Variants in DCAF8L2 observed in about 807,000 individuals in gnomAD.
DCAF8L2 encodes DDB1- and CUL4-associated factor 8-like protein 2.
For synonymous variants in DCAF8L2, 200 were observed against 190.9 expected (o/e 1.05, Z -0.39); for missense variants, 430 against 490.7 (o/e 0.88, Z 1.17).
At chrX:27,643,916 T>C (rs920003755) in intron 2 of DCAF8L2, among the ~76,000 whole-genome samples, 1 of 111,876 alleles carries the variant, frequency 8.9e-6, no homozygotes, top group African/African-American at 3.2e-5. Flanking sequence ...ATATTTCCTA[T>C]AAAAGGATCT....
At chrX:27,481,051 G>A in the DCAF8L2 span, among the ~76,000 whole-genome samples, 2 of 111,555 alleles carry the variant, frequency 1.8e-5, no homozygotes, top group African/African-American at 3.3e-5. Flanking sequence ...TACATAATAT[G>A]CCAAATTTTA....
At chrX:27,599,898 A>G (rs1926558158) in intron 1 of DCAF8L2, among the ~76,000 whole-genome samples, 1 of 112,304 alleles carries the variant, frequency 8.9e-6, no homozygotes, top group Non-Finnish European at 1.9e-5. Context: ...GATACTTCTC[A>G]GGAATATAAT....
chrX:27,722,270 G>T (rs1020707102), intron 4 of DCAF8L2, among the ~76,000 whole-genome samples: 2 of 111,501 alleles, frequency 1.8e-5, no homozygotes, highest in African/African-American at 6.5e-5. Context: ...TCACTAAAAT[G>T]ATTTATGTAC....
chrX:27,674,305 A>G (rs776772926), intron 2 of DCAF8L2, among the ~76,000 whole-genome samples: 6 of 111,768 alleles, frequency 5.4e-5, no homozygotes, highest in South Asian at 3.7e-4. Context: ...TACTGATGGT[A>G]TTATTTTACT....
chrX:27,472,240 A>G, the DCAF8L2 span, among the ~76,000 whole-genome samples: 1 of 111,689 alleles, frequency 9.0e-6, no homozygotes, highest in Non-Finnish European at 1.9e-5. Context: ...GACAGGCAAT[A>G]TATGTCTCCA....
At chrX:27,738,094 T>C (rs1406568373) in intron 4 of DCAF8L2, among the ~76,000 whole-genome samples, 1 of 111,711 alleles carries the variant, frequency 9.0e-6, no homozygotes, top group Admixed American at 9.5e-5. Context: ...CAGGCTGCCA[T>C]ACTACTGGTC....
intron 2 of DCAF8L2, among the ~76,000 whole-genome samples, chrX:27,663,587 A>G (rs1929631078): frequency 9.0e-6 from 1 of 111,469 alleles, no homozygotes; most frequent in Non-Finnish European, 1.9e-5. Flanking sequence ...GTGTGTTCTG[A>G]CTGCTCTACC....
At chrX:27,629,104 T>A (rs1048404999) in intron 1 of DCAF8L2, among the ~76,000 whole-genome samples, 1 of 111,947 alleles carries the variant, frequency 8.9e-6, no homozygotes, top group Non-Finnish European at 1.9e-5. Flanking sequence ...GAGTTTCTTA[T>A]ATATTTTGGA....
the DCAF8L2 span, among the ~76,000 whole-genome samples, chrX:27,514,188 G>A: frequency 6.9e-5 from 6 of 86,351 alleles, no homozygotes; most frequent in South Asian, 4.2e-4. Flanking sequence ...GTATGTACCC[G>A]TGCACACATA....
the DCAF8L2 span, among the ~76,000 whole-genome samples, chrX:27,533,162 GAGAGAA>G: frequency 3.3e-3 from 54 of 16,287 alleles, no homozygotes; most frequent in Admixed American, 0.015. Flanking sequence ...GAGAGAGAGA[GAGAGAA>G]AGAAAGAAAG....
chrX:27,532,800 A>G, the DCAF8L2 span, among the ~76,000 whole-genome samples: 56,270 of 104,105 alleles, frequency 0.54, 13,085 homozygotes, highest in South Asian at 0.77. Flanking sequence ...CAGGGCCCGC[A>G]CTTGGTGGCT....
At chrX:27,553,379 A>T in the DCAF8L2 span, among the ~76,000 whole-genome samples, 4 of 111,410 alleles carry the variant, frequency 3.6e-5, no homozygotes, top group African/African-American at 1.3e-4. Flanking sequence ...ACTGTATTGC[A>T]AGTGATCTCC....
chrX:27,747,630 T>C lies in DCAF8L2; in HGVS notation c.735T>C (p.Ser245=), dbSNP rs1446007053. The C allele has an allele frequency of 2.5e-6, 3 of 1,207,030 alleles. No homozygotes were observed. Among genetic ancestry groups the C allele is most frequent in the South Asian group, 3.6e-5 (2 of 56,003 alleles). ...ACCAGCGTGGCACCCGGCTGGCCAG[T>C]AGCGGTGATGACCTAAAGGTGATAG... ...HFNQRGTRLA[S]SGDDLKVIVW... The change falls in exon 5 of 5, where the codon AGT becomes AGC. Residue 245 remains serine, a synonymous_variant. Coordinates refer to ENST00000451261, the MANE Select transcript of DCAF8L2 (RefSeq NM_001353450.2).
At chrX:27,569,118 A>G in the DCAF8L2 span, among the ~76,000 whole-genome samples, 1 of 111,471 alleles carries the variant, frequency 9.0e-6, no homozygotes, top group Non-Finnish European at 1.9e-5. Context: ...AAAGATGAAG[A>G]GGATATTGCC....
At chrX:27,484,049 C>A in the DCAF8L2 span, among the ~76,000 whole-genome samples, 1 of 111,436 alleles carries the variant, frequency 9.0e-6, no homozygotes, top group Non-Finnish European at 1.9e-5. Flanking sequence ...TAGGTGCATT[C>A]TTTTAAAAAT....
At chrX:27,500,932 A>G in the DCAF8L2 span, among the ~76,000 whole-genome samples, 1 of 111,354 alleles carries the variant, frequency 9.0e-6, no homozygotes, top group African/African-American at 3.3e-5. Context: ...TTGATATGAA[A>G]TGGGAGAGGA....
intron 1 of DCAF8L2, among the ~76,000 whole-genome samples, chrX:27,605,107 A>G (rs986231591): frequency 2.7e-5 from 3 of 111,338 alleles, no homozygotes; most frequent in African/African-American, 9.8e-5. Flanking sequence ...CCTGTGTTAT[A>G]TATCTGGGAT....
intron 4 of DCAF8L2, among the ~76,000 whole-genome samples, chrX:27,716,759 T>C (rs2147291206): frequency 8.9e-6 from 1 of 112,298 alleles, no homozygotes; most frequent in South Asian, 3.7e-4. Context: ...CTGGGGGACA[T>C]GTGCAGGATG....
At position 27,659,624 on chromosome X, in the gene DCAF8L2, A is replaced by AT. The variant is rs751060311; in HGVS notation, c.-219-18203dup. On this transcript the variant is annotated intron_variant, in intron 2 of 4. Coordinates refer to ENST00000451261, the MANE Select transcript of DCAF8L2 (RefSeq NM_001353450.2). ...CCTATATGTCACGTGAGCTCTCTTC[A>AT]TTTTTTTTTCCTATTTTGTCTAACT... Among the ~76,000 whole-genome samples the AT allele has an allele frequency of 3.6e-3, 394 of 108,399 alleles. 1 individual carries two copies. The highest frequency in any genetic ancestry group is 0.012 in the African/African-American group (347 of 29,855). The allele number at this position is 108,399 out of a possible 115,157, so 94.1% of individuals were successfully genotyped here. A position where few individuals can be genotyped will look rare whatever the true frequency, so the allele number is the denominator to read the frequency against.
Sources: allele counts gnomAD v4.1 joint callset (sites outside exome capture counted in the v4.1 genomes callset), GRCh38; gene constraint gnomAD v4.1.1; transcripts MANE v1.5; gene names NCBI Gene and HGNC (gene_info 2026-07-23, HGNC 2026-07-21).